The following MYOM1 variants were observed in gnomAD, a reference collection of about 807,000 sequenced individuals.
MYOM1 encodes the protein myomesin 1, also known as myomesin-1.
Under a neutral mutation model 205.3 loss-of-function variants are expected in MYOM1, and 164 were observed. The ratio of observed to expected loss-of-function variants is 0.80; its 90% CI spans 0.70 to 0.91. The LOEUF (loss-of-function observed/expected upper bound fraction) is 0.91, where lower values mean the gene tolerates loss of function less well. Among genes scored for constraint, MYOM1 ranks in the 40% least tolerant of loss-of-function variants. The pLI, the probability that MYOM1 is intolerant of heterozygous loss-of-function variation, is 0.00. For synonymous variants in MYOM1, 772 were observed against 789.4 expected (o/e 0.98, Z 0.37); for missense variants, 2,011 against 2,127.3 (o/e 0.95, Z 1.08).
chr18:3,189,114 G>A lies in MYOM1; in HGVS notation c.432-27C>T. ...TAAAACACAACAATGGCAAAATGTA[G>A]ATGTTGTGGATGGCAGTGATAAGAT... is the stretch of plus-strand genomic sequence containing the variant. On this transcript the variant is annotated intron_variant, in intron 3 of 37. Coordinates refer to ENST00000356443, the MANE Select transcript of MYOM1 (RefSeq NM_003803.4). The surrounding 1 kb of genome is among the most constrained non-coding windows in gnomAD (Gnocchi z 4.8). 1 of 1,586,574 alleles carries A rather than the reference G, an allele frequency of 6.3e-7. No individual in the cohort carries two copies. The highest frequency in any genetic ancestry group is 8.6e-7 in the Non-Finnish European group (1 of 1,162,342).
Position 3,164,385 on chromosome 18 carries a change from G to A in MYOM1, c.1394C>T (p.Ala465Val). ...GTTGAGATGGGAAAATGTCAGCGTT[G>A]CCCGCTCTCCACTCCAAAGTGTTTG... ...WVQTLWSGERATLTFSHLNKE... is the reference protein window; with the variant it reads ...WVQTLWSGERVTLTFSHLNKE... The change falls in exon 10 of 38, where the codon GCA becomes GTA. Residue 465 changes from alanine (A) to valine (V), a missense_variant. Transcript: ENST00000356443. 3.7e-6 allele frequency: 6 copies of A among 1,611,444 alleles called. No homozygotes were observed. The highest frequency in any genetic ancestry group is 4.2e-6 in the Non-Finnish European group (5 of 1,178,626).
chr18:3,130,742 C>G (rs1436648003), intron 17 of MYOM1, among the ~76,000 whole-genome samples: 1 of 152,116 alleles, frequency 6.6e-6, no homozygotes, highest in African/African-American at 2.4e-5. Context: ...AGGTGTAAGC[C>G]CCCGTGCTCA....
the MYOM1 span, among the ~76,000 whole-genome samples, chr18:3,236,140 G>C: frequency 6.6e-6 from 1 of 151,770 alleles, no homozygotes; most frequent in East Asian, 1.9e-4. Context: ...ACTCAGCATA[G>C]TCACGTAAGT....
intron 5 of MYOM1, among the ~76,000 whole-genome samples, chr18:3,176,462 T>C (rs181014305): frequency 8.5e-5 from 9 of 106,318 alleles, no homozygotes; most frequent in Admixed American, 1.8e-4. Context: ...TGCTTTTATA[T>C]AGAATACAAA....
intron 18 of MYOM1, among the ~76,000 whole-genome samples, chr18:3,127,305 A>ATATATATATATATATATATTT (rs56880961): frequency 2.1e-5 from 1 of 47,570 alleles, no homozygotes; most frequent in Non-Finnish European, 3.6e-5. Flanking sequence ...ATATATATAT[A>ATATATATATATATATATATTT]TTTTTTTTTT....
chr18:3,094,857 A>T (rs1027864319), intron 25 of MYOM1, among the ~76,000 whole-genome samples: 1 of 150,838 alleles, frequency 6.6e-6, no homozygotes, highest in African/African-American at 2.4e-5. Context: ...TTAGAAAGAG[A>T]CTCACTATGT....
Position 3,100,346 on chromosome 18 carries a change from G to T in MYOM1, c.3656C>A (p.Ala1219Glu). The change falls in exon 24 of 38, where the codon GCA becomes GAA. Residue 1219 changes from alanine to glutamate, a missense_variant. Ala to Glu is a moderately radical substitution (Grantham distance 107, BLOSUM62 -1). Transcript: ENST00000356443. Reference sequence around the variant, plus strand: ...TTCCTCATCTATTAAGTAGCTTGATGCTATTCCATCAGTGTCTGTTACATC... The same window carrying T: ...TTCCTCATCTATTAAGTAGCTTGATTCTATTCCATCAGTGTCTGTTACATC... ...SCDVTDTDGIASSYLIDEEEL... is the reference protein window; with the variant it reads ...SCDVTDTDGIESSYLIDEEEL... 1 of 1,613,852 alleles carries T rather than the reference G, an allele frequency of 6.2e-7. No individual in the cohort carries two copies. The highest frequency in any genetic ancestry group is 2.2e-5 in the East Asian group (1 of 44,880).
chr18:3,083,427 C>CTTTTTTTTTT (rs35959808), intron 33 of MYOM1, among the ~76,000 whole-genome samples: 31 of 98,550 alleles, frequency 3.1e-4, no homozygotes, highest in African/African-American at 1.0e-3. Context: ...TTTTCTTTTT[C>CTTTTTTTTTT]TTTTTTTTTT....
At chr18:3,244,131 G>A in the MYOM1 span, among the ~76,000 whole-genome samples, 1 of 152,048 alleles carries the variant, frequency 6.6e-6, no homozygotes. Context: ...GTTTCGCAGC[G>A]TCCCTGGCTT....
At chr18:3,182,572 G>A (rs2080750893) in intron 5 of MYOM1, among the ~76,000 whole-genome samples, 2 of 152,144 alleles carry the variant, frequency 1.3e-5, no homozygotes, top group African/African-American at 2.4e-5. Context: ...AGAACTAAGG[G>A]TGCACAGTGA....
intron 4 of MYOM1, 92 bp from the exon 5 acceptor site, chr18:3,187,729 G>C: frequency 8.0e-7 from 1 of 1,253,638 alleles, no homozygotes. Flanking sequence ...GAAGGCAAAA[G>C]TTTTATTTTT....
chr18:3,179,793 A>G lies in MYOM1; in HGVS notation c.930-3659T>C, dbSNP rs1487486565. On this transcript the variant is annotated intron_variant, in intron 5 of 37. Coordinates refer to ENST00000356443, the MANE Select transcript of MYOM1 (RefSeq NM_003803.4). The surrounding 1 kb of genome is among the most constrained non-coding windows in gnomAD (Gnocchi z 4.4). Reference sequence around the variant, plus strand: ...TTAATTGGCATGCTCTTCTTCTATAATTGGTTTAGGTAATTTCACACTGGA... The same window carrying G: ...TTAATTGGCATGCTCTTCTTCTATAGTTGGTTTAGGTAATTTCACACTGGA... 3.9e-5 allele frequency among the ~76,000 whole-genome samples: 6 copies of G among 152,114 alleles called. No individual in the cohort carries two copies. Among genetic ancestry groups the G allele is most frequent in the African/African-American group, 1.2e-4 (5 of 41,418 alleles).
intron 5 of MYOM1, among the ~76,000 whole-genome samples, chr18:3,185,884 C>T (rs2080801876): frequency 6.6e-6 from 1 of 152,158 alleles, no homozygotes; most frequent in African/African-American, 2.4e-5. Context: ...AGTAAAAACT[C>T]ACCATGTGCT....
At chr18:3,102,401 G>C in intron 23 of MYOM1, 73 bp downstream of exon 23, 1 of 1,387,546 alleles carries the variant, frequency 7.2e-7, no homozygotes. Flanking sequence ...AGCAATTTAA[G>C]TGGAAATCAG....
chr18:3,067,182 A>C lies in MYOM1; in HGVS notation c.*80T>G. ...AGCCAGAAAATAATAGGGAGGAGAA[A>C]GCATGAAGACGTCTCATCCTTAACC... On this transcript the variant is annotated 3_prime_UTR_variant, in exon 38 of 38. Coordinates refer to ENST00000356443, the MANE Select transcript of MYOM1 (RefSeq NM_003803.4). 3 of 1,411,970 alleles carry C rather than the reference A, an allele frequency of 2.1e-6. No homozygotes were observed. Among genetic ancestry groups the C allele is most frequent in the Non-Finnish European group, 2.9e-6 (3 of 1,050,972 alleles). The allele number at this position is 1,411,970 out of a possible 1,614,324, so 87.5% of individuals were successfully genotyped here.
intron 5 of MYOM1, among the ~76,000 whole-genome samples, chr18:3,181,732 A>ATTTTT (rs11448786): frequency 3.1e-5 from 4 of 127,068 alleles, no homozygotes; most frequent in African/African-American, 9.1e-5. Flanking sequence ...AAACTGAATA[A>ATTTTT]TTTTTTTTTT....
At position 3,191,029 on chromosome 18, in the gene MYOM1, T is replaced by C. The variant is rs558186868; in HGVS notation, c.432-1942A>G. On this transcript the variant is annotated intron_variant, in intron 3 of 37. Transcript: ENST00000356443. ...ACTCAACTACAGTTAAAAAGTATGTTAGACCCAGGCAATAGGGATATTCTC... is the reference window on the plus strand; with the variant it reads ...ACTCAACTACAGTTAAAAAGTATGTCAGACCCAGGCAATAGGGATATTCTC... Among the ~76,000 whole-genome samples, 3 of 152,328 alleles carry C rather than the reference T, an allele frequency of 2.0e-5. No homozygotes were observed. In the South Asian group the frequency reaches 6.2e-4, roughly 32 times the overall value.
chr18:3,239,137 T>TA, the MYOM1 span, among the ~76,000 whole-genome samples: 1 of 152,218 alleles, frequency 6.6e-6, no homozygotes, highest in South Asian at 2.1e-4. Context: ...CGGGGTACAT[T>TA]ACAGCATTCA....
upstream of MYOM1, among the ~76,000 whole-genome samples, chr18:3,224,953 C>T (rs2081346350): frequency 6.6e-6 from 1 of 152,140 alleles, no homozygotes; most frequent in Admixed American, 6.5e-5. Context: ...GCGTGAGCCA[C>T]CGTGCCCGGC....
Sources: allele counts gnomAD v4.1 joint callset (sites outside exome capture counted in the v4.1 genomes callset), GRCh38; gene constraint gnomAD v4.1.1; non-coding constraint Gnocchi (gnomAD v3.1); transcripts MANE v1.5; gene names NCBI Gene and HGNC (gene_info 2026-07-23, HGNC 2026-07-21).